COG7: variants seen among roughly 807,000 people sequenced by gnomAD.
COG7 encodes the protein conserved oligomeric Golgi complex subunit 7.
COG7 carries 49 observed loss-of-function variants against 91.5 expected under a neutral mutation model. The ratio of observed to expected loss-of-function variants is 0.54; its 90% CI spans 0.43 to 0.68. The LOEUF is 0.68. Among genes scored for constraint, COG7 ranks in the 30% least tolerant of loss-of-function variants. The pLI is 0.00. For missense variants in COG7, 895 were observed against 961.3 expected (o/e 0.93, Z 0.91); for synonymous variants, 365 against 388.7 (o/e 0.94, Z 0.72).
intron 8 of COG7, 31 bp from the exon 9 acceptor site, chr16:23,417,152 AG>A: frequency 6.2e-7 from 1 of 1,612,144 alleles, no homozygotes; most frequent in Non-Finnish European, 8.5e-7. Flanking sequence ...AAGCTGCATT[AG>A]GCTTTAGAAC....
Position 23,393,237 on chromosome 16 carries a change from C to T in COG7, c.1998G>A (p.Glu666=). 6.2e-7 allele frequency: 1 copy of T among 1,612,856 alleles called. No homozygotes were observed. The highest frequency in any genetic ancestry group is 8.5e-7 in the Non-Finnish European group (1 of 1,179,088). ...LHAGKLPFPP[E]QGDELPELDN... is the part of the protein sequence containing the mutation. ...CCAGAAACGGTCCCCGCTTACCCTG[C>T]TCAGGAGGAAATGGCAGCTTTCCAG... Residue 666 remains glutamate (E), a synonymous_variant, in exon 15 of 17, where the codon GAG becomes GAA. Coordinates refer to ENST00000307149, the MANE Select transcript of COG7 (RefSeq NM_153603.4).
chr16:23,446,539 C>T (rs1964185856), intron 1 of COG7: 1 of 154,392 alleles, frequency 6.5e-6, no homozygotes, highest in African/African-American at 2.5e-5. Flanking sequence ...GCAACCTCTG[C>T]CTCCCAGGTT....
chr16:23,440,073 A>AC (rs750513881), intron 4 of COG7, among the ~76,000 whole-genome samples: 1 of 128,018 alleles, frequency 7.8e-6, no homozygotes, highest in Admixed American at 8.8e-5. Context: ...ATATAGCAAG[A>AC]CCCCATCTAT....
Position 23,449,609 on chromosome 16 carries a change from C to CGG in COG7, c.169+3216_169+3217insCC, listed in dbSNP as rs1964235348. 2.7e-5 allele frequency among the ~76,000 whole-genome samples: 4 copies of CGG among 150,884 alleles called. No homozygotes were observed. In the South Asian group the frequency reaches 6.3e-4, roughly 24 times the overall value. Reference sequence around the variant, plus strand: ...ATACAAAATTAGCCAGGCATGGTGGCGCATGCCTATACACCCAGCTACTCG... The same window carrying CGG: ...ATACAAAATTAGCCAGGCATGGTGGCGGGCATGCCTATACACCCAGCTACTCG... On this transcript the variant is annotated intron_variant, in intron 1 of 16. Transcript: ENST00000307149.
chr16:23,389,957 T>C (rs1195594857), intron 16 of COG7: 1 of 152,202 alleles, frequency 6.6e-6, no homozygotes, highest in Non-Finnish European at 1.5e-5. Flanking sequence ...GAGTCTCTGC[T>C]TCCATCTGTC....
intron 3 of COG7, 55 bp from the exon 4 acceptor site, chr16:23,442,700 T>C (rs1964121002): frequency 2.7e-6 from 4 of 1,470,730 alleles, no homozygotes; most frequent in East Asian, 2.3e-5. Context: ...ACTGCCTCAA[T>C]TGGGAATAGA....
intron 4 of COG7, among the ~76,000 whole-genome samples, chr16:23,435,178 A>G (rs113023399): frequency 2.0e-4 from 31 of 152,304 alleles, no homozygotes; most frequent in Middle Eastern, 3.4e-3. Flanking sequence ...AGCCTGGCCA[A>G]CATGGCAAAA....
intron 8 of COG7, among the ~76,000 whole-genome samples, chr16:23,417,943 T>C (rs1308276878): frequency 2.0e-5 from 3 of 152,136 alleles, no homozygotes; most frequent in Non-Finnish European, 4.4e-5. Flanking sequence ...GAAATATCAA[T>C]GTACCTCATG....
At chr16:23,399,267 C>T (rs1369195645) in intron 13 of COG7, among the ~76,000 whole-genome samples, 1 of 152,098 alleles carries the variant, frequency 6.6e-6, no homozygotes, top group African/African-American at 2.4e-5. Context: ...TCTTCCCCAC[C>T]CCAGGTGCCC....
intron 4 of COG7, among the ~76,000 whole-genome samples, chr16:23,442,162 C>T (rs1404176695): frequency 6.6e-6 from 1 of 151,842 alleles, no homozygotes; most frequent in South Asian, 2.1e-4. Flanking sequence ...GGTGAAAGCC[C>T]GTTTCTATTC....
chr16:23,442,368 C>G, intron 4 of COG7, 109 bp downstream of exon 4: 4 of 926,292 alleles, frequency 4.3e-6, no homozygotes, highest in Non-Finnish European at 6.8e-6. Context: ...AGAGTTCCTT[C>G]TAATCTATGT....
chr16:23,406,676 T>C (rs952561385), intron 11 of COG7, among the ~76,000 whole-genome samples: 2 of 152,208 alleles, frequency 1.3e-5, no homozygotes, highest in African/African-American at 2.4e-5. Flanking sequence ...CTGGGCAGGA[T>C]AGCAGCTGGC....
intron 3 of COG7, among the ~76,000 whole-genome samples, chr16:23,444,502 TTTC>T (rs1281793240): frequency 3.6e-4 from 53 of 146,750 alleles, no homozygotes; most frequent in East Asian, 1.2e-3. Context: ...TGGTTTTTCT[TTTC>T]TTCTTCTTTT....
rs759136777 is a variant in COG7 at position 23,406,355 on chromosome 16, T to C, written c.1476-93A>G. On this transcript the variant is annotated intron_variant, in intron 11 of 16. Transcript: ENST00000307149. ...GATTGCTCCTTACTAAATTCAAAGA[T>C]AATCCTCATGAGACAGACTGAATTA... 523 of 1,096,328 alleles carry C rather than the reference T, an allele frequency of 4.8e-4. 3 individuals are homozygous for C. The highest frequency in any genetic ancestry group is 3.9e-4 in the Middle Eastern group (2 of 5,142). The allele number at this position is 1,096,328 out of a possible 1,614,324, so 67.9% of individuals were successfully genotyped here. A position where few individuals can be genotyped will look rare whatever the true frequency, so the allele number is the denominator to read the frequency against.
intron 14 of COG7, 164 bp from the exon 15 acceptor site, chr16:23,393,511 C>T (rs981253303): frequency 1.6e-6 from 1 of 632,722 alleles, no homozygotes; most frequent in African/African-American, 1.8e-5. Flanking sequence ...TATGGCAGTA[C>T]CCTAAAAAAG....
At chr16:23,434,395 T>G (rs1963981727) in intron 5 of COG7, among the ~76,000 whole-genome samples, 2 of 152,166 alleles carry the variant, frequency 1.3e-5, no homozygotes, top group South Asian at 4.1e-4. Context: ...ACGTTTCAAG[T>G]CTATAATGAA....
At chr16:23,393,429 C>A (rs771114473) in intron 14 of COG7, 82 bp from the exon 15 acceptor site, 1 of 1,069,818 alleles carries the variant, frequency 9.3e-7, no homozygotes, top group Non-Finnish European at 1.4e-6. Flanking sequence ...TGAAGGCAAA[C>A]GGCAGAGAGA....
intron 4 of COG7, among the ~76,000 whole-genome samples, chr16:23,441,551 G>T (rs1391395216): frequency 6.6e-6 from 1 of 152,150 alleles, no homozygotes; most frequent in East Asian, 1.9e-4. Flanking sequence ...CGCCAGCATG[G>T]GGAACACAGC....
At chr16:23,418,864 A>T (rs1156310645) in intron 7 of COG7, 37 bp from the exon 8 acceptor site, 2 of 1,600,220 alleles carry the variant, frequency 1.2e-6, no homozygotes, top group African/African-American at 2.7e-5. Flanking sequence ...ATAATGAACA[A>T]AGAATCTGAA....
Sources: allele counts gnomAD v4.1 joint callset (sites outside exome capture counted in the v4.1 genomes callset), GRCh38; gene constraint gnomAD v4.1.1; transcripts MANE v1.5; gene names NCBI Gene and HGNC (gene_info 2026-07-23, HGNC 2026-07-21).